Variants in RBFOX1 observed in about 807,000 individuals in gnomAD.
The protein encoded by RBFOX1 is RNA binding protein fox-1 homolog 1.
In RBFOX1, 8 loss-of-function variants were observed where a neutral mutation model predicts 57.7. That is an observed-to-expected ratio of 0.14 (90% CI 0.08 to 0.25). The LOEUF is 0.25. Among genes scored for constraint, RBFOX1 ranks in the 10% least tolerant of loss-of-function variants. RBFOX1 has a pLI of 1.00. For missense variants in RBFOX1, 611 were observed against 548.5 expected (o/e 1.11, Z -1.14); for synonymous variants, 326 against 222.4 (o/e 1.47, Z -4.15).
chr16:6,569,586 AGTT>A (rs1427373827), intron 2 of RBFOX1, among the ~76,000 whole-genome samples: 1 of 152,232 alleles, frequency 6.6e-6, no homozygotes, highest in African/African-American at 2.4e-5. Flanking sequence ...TGGGTTAAAT[AGTT>A]GCGACGTGGA....
chr16:7,190,711 C>T (rs1251668359), intron 4 of RBFOX1, among the ~76,000 whole-genome samples: 2 of 146,898 alleles, frequency 1.4e-5, no homozygotes, highest in African/African-American at 5.0e-5. Context: ...CAAACAGATC[C>T]ACTGTGTTCT....
intron 3 of RBFOX1, among the ~76,000 whole-genome samples, chr16:6,753,043 T>C (rs1039340541): frequency 1.3e-5 from 2 of 151,126 alleles, no homozygotes; most frequent in African/African-American, 2.4e-5. Flanking sequence ...AACTTTTTCA[T>C]AGTGGTCATA....
At chr16:6,542,257 A>G (rs1599335569) in intron 2 of RBFOX1, among the ~76,000 whole-genome samples, 1 of 151,906 alleles carries the variant, frequency 6.6e-6, no homozygotes, top group Admixed American at 6.6e-5. Flanking sequence ...CTTGAGATCT[A>G]TAAGCCATTC....
chr16:7,552,165 T>G (rs940756609), intron 5 of RBFOX1, among the ~76,000 whole-genome samples: 2 of 152,248 alleles, frequency 1.3e-5, no homozygotes, highest in Non-Finnish European at 1.5e-5. Flanking sequence ...CCAGTTATCC[T>G]TCCTTCATCC....
intron 9 of RBFOX1, among the ~76,000 whole-genome samples, chr16:7,600,027 T>C (rs1201658675): frequency 2.0e-5 from 3 of 152,146 alleles, no homozygotes; most frequent in African/African-American, 7.2e-5. Flanking sequence ...CTTGTAGAAA[T>C]GCACTCAAGT....
intron 3 of RBFOX1, chr16:6,723,621 T>G (rs1373482274): frequency 6.6e-6 from 1 of 152,210 alleles, no homozygotes; most frequent in Non-Finnish European, 1.5e-5. Context: ...TTGTATATTG[T>G]GATCTTTGTT....
At chr16:7,538,275 T>C (rs936083217) in intron 5 of RBFOX1, among the ~76,000 whole-genome samples, 3 of 152,158 alleles carry the variant, frequency 2.0e-5, no homozygotes, top group Non-Finnish European at 4.4e-5. Context: ...AAGATCCTTA[T>C]TTAAAGCCTC....
At chr16:6,069,298 T>G (rs1054269457) in intron 1 of RBFOX1, among the ~76,000 whole-genome samples, 6 of 150,180 alleles carry the variant, frequency 4.0e-5, no homozygotes, top group Non-Finnish European at 7.4e-5. Flanking sequence ...CTCGGGAGGC[T>G]GAGGCAGGAG....
intron 3 of RBFOX1, among the ~76,000 whole-genome samples, chr16:6,671,260 C>T (rs914125440): frequency 2.0e-5 from 3 of 152,120 alleles, no homozygotes; most frequent in African/African-American, 4.8e-5. Context: ...TTCTTATGCT[C>T]AGCACAGAAC....
At chr16:6,760,110 A>T (rs1347958777) in intron 3 of RBFOX1, among the ~76,000 whole-genome samples, 2 of 152,202 alleles carry the variant, frequency 1.3e-5, no homozygotes, top group African/African-American at 4.8e-5. Context: ...TAAAAGATAA[A>T]AGGAAGGTAG....
At chr16:5,788,316 CA>C (rs2054578210) in intron 3 of RBFOX1, among the ~76,000 whole-genome samples, 1 of 152,148 alleles carries the variant, frequency 6.6e-6, no homozygotes, top group Non-Finnish European at 1.5e-5. Context: ...ACATTTAGCG[CA>C]ACAAAAGCGT....
At position 7,496,928 on chromosome 16, in the gene RBFOX1, G is replaced by A. The variant is rs7190632; in HGVS notation, c.28-21219G>A. ...TCATTGGTACCCATACAGATGTGAA[G>A]AAGTTGTCCTGAGAGTGAGCCTCTG... On this transcript the variant is annotated intron_variant, in intron 4 of 15. Transcript: ENST00000550418. Among the ~76,000 whole-genome samples, 749 of 152,180 alleles carry A rather than the reference G, an allele frequency of 4.9e-3. 6 individuals are homozygous for A. The highest frequency in any genetic ancestry group is 0.017 in the African/African-American group (701 of 41,500).
chr16:7,595,404 G>T (rs1179768148), intron 7 of RBFOX1, 145 bp from the exon 8 acceptor site: 2 of 528,498 alleles, frequency 3.8e-6, no homozygotes, highest in East Asian at 3.3e-5. Flanking sequence ...GCACATCTCA[G>T]TACTCTTATA....
At chr16:5,497,523 C>G (rs1177959682) in intron 2 of RBFOX1, among the ~76,000 whole-genome samples, 1 of 151,566 alleles carries the variant, frequency 6.6e-6, no homozygotes, top group African/African-American at 2.4e-5. Flanking sequence ...GTCTCTAATC[C>G]CAGCACTTTG....
intron 1 of RBFOX1, among the ~76,000 whole-genome samples, chr16:5,338,332 T>G (rs1361811926): frequency 6.6e-6 from 1 of 152,120 alleles, no homozygotes; most frequent in Admixed American, 6.5e-5. Flanking sequence ...ACTTTATAAT[T>G]GGGAAGTAGA....
downstream of RBFOX1, among the ~76,000 whole-genome samples, chr16:5,601,889 T>A (rs1478369232): frequency 2.0e-5 from 3 of 152,248 alleles, no homozygotes; most frequent in Non-Finnish European, 4.4e-5. Flanking sequence ...TTTTTAGCTC[T>A]CTTGGGTTGG....
intron 4 of RBFOX1, among the ~76,000 whole-genome samples, chr16:7,058,850 T>C (rs2053336327): frequency 6.6e-6 from 1 of 152,166 alleles, no homozygotes; most frequent in Non-Finnish European, 1.5e-5. Flanking sequence ...TAAAAATGGG[T>C]TGCTTTAAAG....
chr16:5,706,771 A>T (rs4451950), intron 3 of RBFOX1, among the ~76,000 whole-genome samples: 41,872 of 151,818 alleles, frequency 0.28, 6,382 homozygotes, highest in East Asian at 0.63. Context: ...GGGCACCCCT[A>T]TGAATTTGCA....
At chr16:7,345,235 C>T (rs1390412758) in intron 4 of RBFOX1, among the ~76,000 whole-genome samples, 1 of 152,160 alleles carries the variant, frequency 6.6e-6, no homozygotes, top group East Asian at 1.9e-4. Flanking sequence ...CAAGCGATGT[C>T]TTCTATTGTT....
Sources: allele counts gnomAD v4.1 joint callset (sites outside exome capture counted in the v4.1 genomes callset), GRCh38; gene constraint gnomAD v4.1.1; transcripts MANE v1.5; gene names NCBI Gene and HGNC (gene_info 2026-07-23, HGNC 2026-07-21).